SDK1: variants seen among roughly 807,000 people sequenced by gnomAD.
SDK1 encodes the protein protein sidekick-1.
In SDK1, 157 loss-of-function variants were observed where a neutral mutation model predicts 245.5. That is an observed-to-expected ratio of 0.64 (90% CI 0.56 to 0.73). The LOEUF (loss-of-function observed/expected upper bound fraction) is 0.73. SDK1 is among the 30% of genes least tolerant of loss of function. SDK1 has a pLI of 0.00. For synonymous variants in SDK1, 1,647 were observed against 1,278.5 expected, an observed-to-expected ratio of 1.29 and a Z score of -6.15; for missense variants, 3,583 against 3,002.3, an observed-to-expected ratio of 1.19 and a Z score of -4.52.
chr7:4,250,114 A>G (rs529530655), intron 44 of SDK1, among the ~76,000 whole-genome samples: 1 of 152,152 alleles, frequency 6.6e-6, no homozygotes. Context: ...AGGTGTGCCT[A>G]TGTGGACATT....
At chr7:4,188,571 C>T (rs1389057457) in intron 35 of SDK1, among the ~76,000 whole-genome samples, 1 of 151,758 alleles carries the variant, frequency 6.6e-6, no homozygotes, top group Non-Finnish European at 1.5e-5. Context: ...GTGCTCAAAC[C>T]TCCATATCTG....
chr7:3,347,542 C>G (rs1352077059), intron 1 of SDK1, among the ~76,000 whole-genome samples: 5 of 152,126 alleles, frequency 3.3e-5, no homozygotes, highest in African/African-American at 4.8e-5. Flanking sequence ...ATTTTCTGTT[C>G]CTAGATATTT....
At chr7:3,749,569 G>A (rs1779720405) in intron 4 of SDK1, among the ~76,000 whole-genome samples, 1 of 152,180 alleles carries the variant, frequency 6.6e-6, no homozygotes, top group Non-Finnish European at 1.5e-5. Flanking sequence ...AAAGTGCTGG[G>A]ATTAGAGGTG....
chr7:3,484,402 A>T (rs1049430055), intron 1 of SDK1, among the ~76,000 whole-genome samples: 1 of 152,196 alleles, frequency 6.6e-6, no homozygotes, highest in Non-Finnish European at 1.5e-5. Context: ...ACTTCGGGAC[A>T]TGAGTGTGTG....
intron 1 of SDK1, among the ~76,000 whole-genome samples, chr7:3,370,974 G>C (rs1360810529): frequency 6.6e-6 from 1 of 152,110 alleles, no homozygotes; most frequent in Non-Finnish European, 1.5e-5. Flanking sequence ...GGAGGCAGAG[G>C]GAGGTGCTAA....
intron 5 of SDK1, among the ~76,000 whole-genome samples, chr7:3,946,251 C>T (rs1780573826): frequency 6.6e-6 from 1 of 152,004 alleles, no homozygotes; most frequent in Admixed American, 6.6e-5. Context: ...GATCATAGCT[C>T]ACTGCAGCCT....
intron 35 of SDK1, among the ~76,000 whole-genome samples, chr7:4,195,881 A>G (rs1420588273): frequency 6.6e-6 from 1 of 152,066 alleles, no homozygotes; most frequent in Non-Finnish European, 1.5e-5. Flanking sequence ...TGCCCTTGGG[A>G]GGGTGCCTCC....
intron 5 of SDK1, among the ~76,000 whole-genome samples, chr7:3,844,900 C>T (rs193129214): frequency 4.6e-4 from 70 of 152,262 alleles, no homozygotes; most frequent in Admixed American, 4.4e-3. Flanking sequence ...CGACTGGTTA[C>T]CAAATAAAAT....
At chr7:3,774,806 A>T (rs1476541059) in intron 4 of SDK1, among the ~76,000 whole-genome samples, 1 of 152,154 alleles carries the variant, frequency 6.6e-6, no homozygotes, top group African/African-American at 2.4e-5. Context: ...CAGCCTTATA[A>T]ATTTTTGGTA....
At chr7:3,534,076 G>T (rs541232385) in intron 1 of SDK1, among the ~76,000 whole-genome samples, 1 of 152,078 alleles carries the variant, frequency 6.6e-6, no homozygotes, top group African/African-American at 2.4e-5. Flanking sequence ...TGGCCTCCCT[G>T]CCCGACATTG....
intron 1 of SDK1, among the ~76,000 whole-genome samples, chr7:3,522,172 C>G (rs1194929038): frequency 6.6e-6 from 1 of 151,554 alleles, no homozygotes; most frequent in Non-Finnish European, 1.5e-5. Context: ...TTTTGAGGCC[C>G]TGGTGTTAAT....
At chr7:3,865,135 T>G (rs1780790199) in intron 5 of SDK1, among the ~76,000 whole-genome samples, 1 of 152,020 alleles carries the variant, frequency 6.6e-6, no homozygotes, top group South Asian at 2.1e-4. Context: ...ACCCCCATCT[T>G]GGGAAGTGAT....
chr7:3,576,977 A>G (rs769865624), intron 1 of SDK1, among the ~76,000 whole-genome samples: 16 of 151,910 alleles, frequency 1.1e-4, no homozygotes, highest in Non-Finnish European at 2.1e-4. Flanking sequence ...TTTGCACTTC[A>G]CCACGGTGGA....
At chr7:3,830,722 C>G (rs551910180) in intron 5 of SDK1, among the ~76,000 whole-genome samples, 2 of 152,264 alleles carry the variant, frequency 1.3e-5, no homozygotes, top group East Asian at 1.9e-4. Flanking sequence ...TGGTCTTGAA[C>G]TCGGGCTCAA....
chr7:4,141,982 C>T (rs925309003), intron 28 of SDK1, among the ~76,000 whole-genome samples: 2 of 152,114 alleles, frequency 1.3e-5, no homozygotes, highest in Non-Finnish European at 2.9e-5. Context: ...GTCTTGAACT[C>T]CTGACCTTTT....
At chr7:4,175,904 T>C (rs1782179388) in intron 34 of SDK1, 70 bp downstream of exon 34, 2 of 1,413,498 alleles carry the variant, frequency 1.4e-6, no homozygotes, top group Non-Finnish European at 9.9e-7. Context: ...AGCTGGTCTC[T>C]CAGTGCAAGG....
intron 1 of SDK1, among the ~76,000 whole-genome samples, chr7:3,480,026 C>A (rs1231351318): frequency 1.3e-5 from 2 of 152,112 alleles, no homozygotes; most frequent in Non-Finnish European, 2.9e-5. Context: ...ATGTCTACAT[C>A]CCAATCGTCA....
At chr7:3,489,636 G>A (rs1781808158) in intron 1 of SDK1, among the ~76,000 whole-genome samples, 1 of 152,096 alleles carries the variant, frequency 6.6e-6, no homozygotes, top group African/African-American at 2.4e-5. Context: ...TACCCAGTTT[G>A]TTTTTATTAA....
At chr7:3,357,326 G>A (rs1377792896) in intron 1 of SDK1, among the ~76,000 whole-genome samples, 1 of 50,102 alleles carries the variant, frequency 2.0e-5, no homozygotes, top group Non-Finnish European at 4.0e-5. Flanking sequence ...CCTTCTTTTA[G>A]TGTTTTTTTT....
Sources: allele counts gnomAD v4.1 joint callset (sites outside exome capture counted in the v4.1 genomes callset), GRCh38; gene constraint gnomAD v4.1.1; transcripts MANE v1.5; gene names NCBI Gene and HGNC (gene_info 2026-07-23, HGNC 2026-07-21).